The following AK7 variants were observed in gnomAD, a reference collection of about 807,000 sequenced individuals.
The protein encoded by AK7 is ATP-AMP transphosphorylase 7.
In AK7, 78 loss-of-function variants were observed where a neutral mutation model predicts 96.6. The observed-to-expected ratio is 0.81, with a 90% CI of 0.67 to 0.97. The LOEUF (loss-of-function observed/expected upper bound fraction) is 0.97. Among genes scored for constraint, AK7 ranks in the 50% least tolerant of loss-of-function variants. AK7 has a pLI of 0.00. For synonymous variants in AK7, 302 were observed against 317.2 expected (o/e 0.95, Z 0.51); for missense variants, 855 against 887.9 (o/e 0.96, Z 0.47).
chr14:96,441,856 C>G (rs1199538516), intron 6 of AK7, among the ~76,000 whole-genome samples: 1 of 151,998 alleles, frequency 6.6e-6, no homozygotes, highest in Non-Finnish European at 1.5e-5. Flanking sequence ...CCCTGCACTT[C>G]CCACCTCCAG....
chr14:96,455,376 T>A (rs1463464778), intron 10 of AK7, among the ~76,000 whole-genome samples: 2 of 151,946 alleles, frequency 1.3e-5, no homozygotes, highest in African/African-American at 4.8e-5. Context: ...TCCCAGATAC[T>A]TGTGAGGCTG....
intron 5 of AK7, chr14:96,424,252 G>A: frequency 2.3e-6 from 1 of 432,584 alleles, no homozygotes; most frequent in South Asian, 2.4e-5. Context: ...CGGGAGTGCC[G>A]CGGGAGGCCA....
At chr14:96,459,588 G>A (rs190841849) in intron 12 of AK7, among the ~76,000 whole-genome samples, 150 of 152,126 alleles carry the variant, frequency 9.9e-4, no homozygotes, top group African/African-American at 3.5e-3. Context: ...GGCCGGGCAC[G>A]GTGGCTCATG....
chr14:96,407,160 C>G (rs1195358868), intron 3 of AK7, among the ~76,000 whole-genome samples: 1 of 152,064 alleles, frequency 6.6e-6, no homozygotes, highest in Non-Finnish European at 1.5e-5. Context: ...GCAGATCATT[C>G]TAGACCTGTT....
chr14:96,486,630 G>A (rs1895784281), intron 16 of AK7, among the ~76,000 whole-genome samples: 1 of 150,752 alleles, frequency 6.6e-6, no homozygotes, highest in Non-Finnish European at 1.5e-5. Flanking sequence ...ACTTTCTAGT[G>A]GCATTTCTTT....
chr14:96,414,703 CCCAAGAAACAGG>C (rs1380672661), intron 4 of AK7, among the ~76,000 whole-genome samples: 1 of 151,406 alleles, frequency 6.6e-6, no homozygotes, highest in Non-Finnish European at 1.5e-5. Flanking sequence ...CCTAAAACAG[CCCAAGAAACAGG>C]CCAAGAAGAC....
chr14:96,419,825 C>G (rs1891573411), intron 4 of AK7, among the ~76,000 whole-genome samples: 1 of 96,958 alleles, frequency 1.0e-5, no homozygotes, highest in African/African-American at 4.2e-5. Context: ...TCTTGGTCTT[C>G]TCCCCCAGGC....
At chr14:96,449,063 A>C (rs1045371118) in intron 8 of AK7, among the ~76,000 whole-genome samples, 5 of 152,126 alleles carry the variant, frequency 3.3e-5, no homozygotes, top group African/African-American at 9.7e-5. Context: ...GTGCGTCCTC[A>C]CATGGTGGAG....
At chr14:96,460,563 C>T (rs547468231) in intron 12 of AK7, among the ~76,000 whole-genome samples, 10 of 152,298 alleles carry the variant, frequency 6.6e-5, no homozygotes, top group Non-Finnish European at 1.3e-4. Context: ...ACTGCACCGC[C>T]GGGGCATGGC....
chr14:96,409,009 G>A, intron 4 of AK7, 68 bp downstream of exon 4: 10 of 1,513,510 alleles, frequency 6.6e-6, no homozygotes, highest in Non-Finnish European at 9.1e-6. Flanking sequence ...TGTGTGTGGA[G>A]GGAACTTCCT....
rs1892722802 is a variant in AK7 at position 96,437,774 on chromosome 14, C to T, written c.610-61C>T. 5 of 1,270,862 alleles carry T rather than the reference C, an allele frequency of 3.9e-6. No individual in the cohort carries two copies. In the East Asian group the frequency reaches 1.2e-4, roughly 30 times the overall value. 78.7% of individuals were successfully genotyped at this position (1,270,862 alleles called of 1,614,324 possible). ...TGCTCATTTTAACTACTAAAATAATCTGGTTCAGTATGACTAATAATATTA... is the reference window on the plus strand; with the variant it reads ...TGCTCATTTTAACTACTAAAATAATTTGGTTCAGTATGACTAATAATATTA... On this transcript the variant is annotated intron_variant, in intron 5 of 17. Coordinates refer to ENST00000267584, the MANE Select transcript of AK7 (RefSeq NM_152327.5).
chr14:96,465,334 G>T (rs1231915727), intron 12 of AK7, among the ~76,000 whole-genome samples: 1 of 152,010 alleles, frequency 6.6e-6, no homozygotes, highest in African/African-American at 2.4e-5. Context: ...GTGGTGGCGG[G>T]TGCCTGTAGT....
chr14:96,449,937 T>C, intron 9 of AK7, 58 bp downstream of exon 9: 2 of 1,306,298 alleles, frequency 1.5e-6, no homozygotes, highest in Non-Finnish European at 2.1e-6. Context: ...TATGGAGTAT[T>C]GTTATTTTTT....
At chr14:96,422,631 T>C (rs1361587811) in intron 5 of AK7, among the ~76,000 whole-genome samples, 4 of 152,318 alleles carry the variant, frequency 2.6e-5, no homozygotes, top group East Asian at 1.9e-4. Context: ...CTTCCATTCA[T>C]AGGCTCTCTG....
intron 3 of AK7, among the ~76,000 whole-genome samples, chr14:96,406,091 T>A (rs1890695779): frequency 6.6e-6 from 1 of 151,788 alleles, no homozygotes; most frequent in African/African-American, 2.4e-5. Flanking sequence ...TCTTGCTCTG[T>A]CACCCAGGCT....
At chr14:96,447,024 C>G (rs1893276592) in intron 8 of AK7, among the ~76,000 whole-genome samples, 1 of 152,096 alleles carries the variant, frequency 6.6e-6, no homozygotes, top group Non-Finnish European at 1.5e-5. Context: ...ACTGGGACTC[C>G]TAAGAAGAAT....
chr14:96,416,739 T>C (rs1448786736), intron 4 of AK7, among the ~76,000 whole-genome samples: 1 of 152,200 alleles, frequency 6.6e-6, no homozygotes, highest in Non-Finnish European at 1.5e-5. Context: ...TACACTTTAT[T>C]TGTTGTGTTT....
chr14:96,443,634 T>C (rs1223205486), intron 7 of AK7, among the ~76,000 whole-genome samples: 1 of 152,160 alleles, frequency 6.6e-6, no homozygotes, highest in African/African-American at 2.4e-5. Context: ...ATTATTTTTC[T>C]TAAAGAAGGA....
At chr14:96,452,316 T>C (rs1232769561) in intron 10 of AK7, among the ~76,000 whole-genome samples, 2 of 151,630 alleles carry the variant, frequency 1.3e-5, no homozygotes, top group East Asian at 3.9e-4. Flanking sequence ...CTCAAAGAGA[T>C]GAAGCAACCT....
Sources: gnomAD v4.1 joint callset for allele counts (sites outside exome capture counted in the v4.1 genomes callset) on GRCh38, gnomAD v4.1.1 for gene constraint, MANE v1.5 for transcripts, NCBI Gene and HGNC (gene_info 2026-07-23, HGNC 2026-07-21) for gene names.